The following TRMT61B variants were observed in gnomAD, a reference collection of about 807,000 sequenced individuals.
TRMT61B encodes the protein tRNA (adenine(58)-N(1))-methyltransferase, mitochondrial.
TRMT61B carries 56 observed loss-of-function variants against 52.0 expected under a neutral mutation model. The observed-to-expected ratio is 1.08, with a 90% CI of 0.87 to 1.35. The LOEUF is 1.35. Ranked by LOEUF, TRMT61B falls within the 40% of genes most tolerant of loss-of-function variation. The probability of loss-of-function intolerance (pLI) is 0.00; values close to 1 mark genes in which losing one functional copy is unlikely to be tolerated. For synonymous variants in TRMT61B, 206 were observed against 220.0 expected (o/e 0.94, Z 0.56); for missense variants, 650 against 577.9 (o/e 1.12, Z -1.28).
rs542695308 is a variant in TRMT61B, at chr2:28,860,197, G to A, written c.993+921C>T. Among the ~76,000 whole-genome samples the A allele has an allele frequency of 4.9e-5, 7 of 142,282 alleles. 1 individual carries two copies. The South Asian group carries it at 1.3e-3, about 27-fold the overall frequency. The allele number at this position is 142,282 out of a possible 152,430, so 93.3% of individuals were successfully genotyped here. A position where few individuals can be genotyped will look rare whatever the true frequency, so the allele number is the denominator to read the frequency against. On this transcript the variant is annotated intron_variant, in intron 3 of 6. Coordinates refer to ENST00000306108, the MANE Select transcript of TRMT61B (RefSeq NM_017910.4). Reference sequence around the variant, plus strand: ...TGAGGCAGGAGAATCGCTTGAACCCGGCAGGCGGAGGTTGCAGTGAGCTGA... The same window carrying A: ...TGAGGCAGGAGAATCGCTTGAACCCAGCAGGCGGAGGTTGCAGTGAGCTGA...
Position 28,849,979 on chromosome 2 carries a change from A to G in TRMT61B, c.*220T>C, listed in dbSNP as rs1282093645. 9.6e-6 allele frequency: 14 copies of G among 1,463,918 alleles called. No homozygotes were observed. Among genetic ancestry groups the G allele is most frequent in the Non-Finnish European group, 1.3e-5 (14 of 1,061,296 alleles). 90.7% of individuals were successfully genotyped at this position (1,463,918 alleles called of 1,614,324 possible). On this transcript the variant is annotated 3_prime_UTR_variant, in exon 7 of 7. Coordinates refer to ENST00000306108, the MANE Select transcript of TRMT61B (RefSeq NM_017910.4). ...AAACCAATTTGGAATCATTAACTACAAAATGTCAAACTAACTGCAAGACAA... is the reference window on the plus strand; with the variant it reads ...AAACCAATTTGGAATCATTAACTACGAAATGTCAAACTAACTGCAAGACAA...
intron 2 of TRMT61B, chr2:28,862,052 A>G (rs1319194759): frequency 1.3e-5 from 2 of 151,842 alleles, no homozygotes; most frequent in African/African-American, 4.8e-5. Flanking sequence ...AAAAAATACA[A>G]AAAATTAGCC....
intron 5 of TRMT61B, 56 bp downstream of exon 5, chr2:28,851,016 C>A: frequency 1.7e-6 from 2 of 1,148,524 alleles, no homozygotes. Context: ...GGTCAGTATA[C>A]TCAGGAACTC....
Position 28,856,069 on chromosome 2 carries a change from T to C in TRMT61B, c.994-3570A>G, listed in dbSNP as rs541410199. Among the ~76,000 whole-genome samples, 3 of 152,328 alleles carry C rather than the reference T, an allele frequency of 2.0e-5. No homozygotes were observed. In the East Asian group the frequency reaches 5.8e-4, roughly 29 times the overall value. On this transcript the variant is annotated intron_variant, in intron 3 of 6. Coordinates refer to ENST00000306108, the MANE Select transcript of TRMT61B (RefSeq NM_017910.4). ...ATGGGTTCTCAGACTGTAGTTTTACTATATTATTGACAAGGACCAAAGTCA... is the reference window on the plus strand; with the variant it reads ...ATGGGTTCTCAGACTGTAGTTTTACCATATTATTGACAAGGACCAAAGTCA...
At chr2:28,866,705 G>C (rs1669864530) in intron 1 of TRMT61B, among the ~76,000 whole-genome samples, 1 of 152,172 alleles carries the variant, frequency 6.6e-6, no homozygotes, top group South Asian at 2.1e-4. Flanking sequence ...GCTATTACTA[G>C]ATTGGAGGAC....
chr2:28,850,542 C>T, intron 5 of TRMT61B, 137 bp from the exon 6 acceptor site: 1 of 607,260 alleles, frequency 1.6e-6, no homozygotes, highest in Non-Finnish European at 2.9e-6. Flanking sequence ...TTTAGAGCTA[C>T]TCTGCCAGTT....
rs191714824 is a variant in TRMT61B, at chr2:28,861,110, A to T, written c.993+8T>A. 1.3e-6 allele frequency: 2 copies of T among 1,588,474 alleles called. No homozygotes were observed. The highest frequency in any genetic ancestry group is 1.7e-6 in the Non-Finnish European group (2 of 1,169,642). On this transcript the variant is annotated splice_region_variant and intron_variant, in intron 3 of 6. Coordinates refer to ENST00000306108, the MANE Select transcript of TRMT61B (RefSeq NM_017910.4). ...GTAATAACACAGGACCCACGTTAGA[A>T]AACTTACTGCGTCAAATGTTAAAGA... is the stretch of plus-strand genomic sequence containing the variant.
rs771937223 is a variant in TRMT61B, at chr2:28,850,398, C to T, written c.1320G>A (p.Ser440=). 1.0e-5 allele frequency: 16 copies of T among 1,602,262 alleles called. No individual in the cohort carries two copies. Among genetic ancestry groups the T allele is most frequent in the African/African-American group, 2.7e-5 (2 of 74,492 alleles). ...ELFQEDDHEE[S]HSDFPYGSFP... Reference sequence around the variant, plus strand: ...ATGATCCATATGGAAAATCAGAATGCGATTCTTCTGTTGTAAAAAAATATA... The same window carrying T: ...ATGATCCATATGGAAAATCAGAATGTGATTCTTCTGTTGTAAAAAAATATA... The change falls in exon 6 of 7, where the codon TCG becomes TCA. Residue 440 remains serine (S), a synonymous_variant. Coordinates refer to ENST00000306108, the MANE Select transcript of TRMT61B (RefSeq NM_017910.4).
At chr2:28,858,127 G>C (rs535179513) in intron 3 of TRMT61B, among the ~76,000 whole-genome samples, 1 of 145,656 alleles carries the variant, frequency 6.9e-6, no homozygotes, top group South Asian at 2.2e-4. Flanking sequence ...TGCAAGCTCC[G>C]CCTCCCGGGT....
rs797002104 is a variant in TRMT61B at position 28,863,274 on chromosome 2, T to C, written c.802+1743A>G. 2.6e-5 allele frequency among the ~76,000 whole-genome samples: 4 copies of C among 151,866 alleles called. No homozygotes were observed. In the South Asian group the frequency reaches 8.3e-4, roughly 32 times the overall value. ...AGTGAGACCCAGTCTCTACAAAAAC[T>C]TTAAAAATTAGCCAGCTTTGGTGGT... On this transcript the variant is annotated intron_variant, in intron 2 of 6. Transcript: ENST00000306108.
chr2:28,869,501 T>C, intron 1 of TRMT61B, 78 bp downstream of exon 1: 1 of 971,478 alleles, frequency 1.0e-6, no homozygotes, highest in East Asian at 2.5e-5. Flanking sequence ...TGTCTTTGAA[T>C]ACATTAATCA....
chr2:28,855,491 A>G (rs574897206), intron 3 of TRMT61B, among the ~76,000 whole-genome samples: 12 of 152,204 alleles, frequency 7.9e-5, no homozygotes, highest in African/African-American at 1.4e-4. Flanking sequence ...GACAGAGCCA[A>G]TTAGAATTAG....
At chr2:28,852,539 G>T in intron 3 of TRMT61B, 40 bp from the exon 4 acceptor site, 1 of 1,312,236 alleles carries the variant, frequency 7.6e-7, no homozygotes, top group Non-Finnish European at 1.1e-6. Flanking sequence ...GTCTGATTCC[G>T]TTTAAATAAA....
In TRMT61B at chr2:28,854,537, C is replaced by T. The variant is rs1669257123; in HGVS notation, c.994-2038G>A. On this transcript the variant is annotated intron_variant, in intron 3 of 6. Coordinates refer to ENST00000306108, the MANE Select transcript of TRMT61B (RefSeq NM_017910.4). ...AGCGGATCACCTGAGGTCACGAGTTCAAGACCAGCCTGGCCAACACGGCGA... is the reference window on the plus strand; with the variant it reads ...AGCGGATCACCTGAGGTCACGAGTTTAAGACCAGCCTGGCCAACACGGCGA... 2.0e-5 allele frequency among the ~76,000 whole-genome samples: 3 copies of T among 151,996 alleles called. No individual in the cohort carries two copies. In the South Asian group the frequency reaches 6.2e-4, roughly 32 times the overall value.
At chr2:28,861,355 TAA>T in intron 2 of TRMT61B, 47 bp from the exon 3 acceptor site, 1 of 1,430,164 alleles carries the variant, frequency 7.0e-7, no homozygotes, top group Non-Finnish European at 9.3e-7. Context: ...ATCAGTTTAT[TAA>T]AAAGTGTCAA....
rs1669766669 is a variant in TRMT61B at position 28,864,947 on chromosome 2, C to T, written c.802+70G>A. The stretch of plus-strand genomic sequence containing the variant: ...AGGTATTTTCCCAAATATCTTTATA[C>T]CTTTCTGTTATTATGAACAAATTGA... On this transcript the variant is annotated intron_variant, in intron 2 of 6. Coordinates refer to ENST00000306108, the MANE Select transcript of TRMT61B (RefSeq NM_017910.4). 10 of 916,282 alleles carry T rather than the reference C, an allele frequency of 1.1e-5. No homozygotes were observed. The East Asian group carries it at 2.6e-4, about 23-fold the overall frequency. The allele number at this position is 916,282 out of a possible 1,614,324, so 56.8% of individuals were successfully genotyped here.
intron 2 of TRMT61B, among the ~76,000 whole-genome samples, chr2:28,864,035 AT>A (rs1669725319): frequency 6.6e-6 from 1 of 152,102 alleles, no homozygotes; most frequent in South Asian, 2.1e-4. Flanking sequence ...TATATGTTTA[AT>A]ATACACCTCT....
intron 2 of TRMT61B, among the ~76,000 whole-genome samples, chr2:28,863,357 G>A (rs150628839): frequency 5.7e-4 from 87 of 151,384 alleles, no homozygotes; most frequent in African/African-American, 1.6e-3. Flanking sequence ...CTTGAGTTCC[G>A]AGGGTCAAGG....
chr2:28,863,100 A>C (rs1375288496), intron 2 of TRMT61B, among the ~76,000 whole-genome samples: 1 of 152,126 alleles, frequency 6.6e-6, no homozygotes, highest in Non-Finnish European at 1.5e-5. Flanking sequence ...ATGTAACTCC[A>C]ACTGCAAGTT....
Sources: gnomAD v4.1 joint callset for allele counts (sites outside exome capture counted in the v4.1 genomes callset) on GRCh38, gnomAD v4.1.1 for gene constraint, MANE v1.5 for transcripts, NCBI Gene and HGNC (gene_info 2026-07-23, HGNC 2026-07-21) for gene names.